TRPC4: variants seen among roughly 807,000 people sequenced by gnomAD.
The protein encoded by TRPC4 is short transient receptor potential channel 4.
TRPC4 carries 49 observed loss-of-function variants against 99.4 expected under a neutral mutation model. That is an observed-to-expected ratio of 0.49 (90% CI 0.39 to 0.63). TRPC4 has a LOEUF of 0.63. TRPC4 is among the 20% of genes least tolerant of loss of function. The probability of loss-of-function intolerance (pLI) is 0.00; values close to 1 mark genes in which losing one functional copy is unlikely to be tolerated. For missense variants in TRPC4, 898 were observed against 1,152.9 expected (o/e 0.78, Z 3.20); for synonymous variants, 454 against 425.9 (o/e 1.07, Z -0.81).
At chr13:37,694,324 A>C (rs1953838394) in intron 3 of TRPC4, among the ~76,000 whole-genome samples, 1 of 152,192 alleles carries the variant, frequency 6.6e-6, no homozygotes, top group Non-Finnish European at 1.5e-5. Context: ...TAAGGGACTA[A>C]GTACTAAGTA....
intron 1 of TRPC4, among the ~76,000 whole-genome samples, chr13:37,827,953 G>A (rs567724570): frequency 2.9e-4 from 44 of 152,212 alleles, no homozygotes; most frequent in Non-Finnish European, 5.7e-4. Flanking sequence ...CTCCGAGCCA[G>A]GTGCGGGATA....
chr13:37,728,582 A>C (rs1593602872), intron 3 of TRPC4, among the ~76,000 whole-genome samples: 1 of 152,194 alleles, frequency 6.6e-6, no homozygotes, highest in East Asian at 1.9e-4. Context: ...TGGAAGACTT[A>C]ATAGTATTAA....
At chr13:37,838,559 T>A (rs1958635901) in intron 1 of TRPC4, among the ~76,000 whole-genome samples, 1 of 152,188 alleles carries the variant, frequency 6.6e-6, no homozygotes, top group South Asian at 2.1e-4. Context: ...AAATATGTCA[T>A]TTGAATGAAA....
At chr13:37,775,432 G>A (rs1956671865) in intron 2 of TRPC4, among the ~76,000 whole-genome samples, 1 of 147,460 alleles carries the variant, frequency 6.8e-6, no homozygotes, top group South Asian at 2.2e-4. Flanking sequence ...CAACTTTTAA[G>A]TTAAAGGGTA....
At position 37,638,977 on chromosome 13, in the gene TRPC4, G is replaced by A. The variant is rs1951623321; in HGVS notation, c.2211+63C>T. 6.5e-6 allele frequency: 10 copies of A among 1,532,060 alleles called. 1 individual carries two copies. In the South Asian group the frequency reaches 1.1e-4, roughly 17 times the overall value. 94.9% of individuals were successfully genotyped at this position (1,532,060 alleles called of 1,614,324 possible). ...TGCATTTCCAGCTCTGATTTTAAAT[G>A]TGCTCTATCTGGATCCATATTCTGC... On this transcript the variant is annotated intron_variant, in intron 10 of 10. Transcript: ENST00000379705.
At chr13:37,838,826 T>C (rs1958647535) in intron 1 of TRPC4, among the ~76,000 whole-genome samples, 1 of 152,142 alleles carries the variant, frequency 6.6e-6, no homozygotes, top group Non-Finnish European at 1.5e-5. Flanking sequence ...ATATACTTGC[T>C]TTGCTGGGAG....
chr13:37,683,560 CAACAG>C, intron 4 of TRPC4, among the ~76,000 whole-genome samples: 1 of 152,186 alleles, frequency 6.6e-6, no homozygotes, highest in South Asian at 2.1e-4. Context: ...TGTGGAGGCA[CAACAG>C]GGCTCTCAAA....
In TRPC4 at chr13:37,692,047, C is replaced by A; in HGVS notation, c.1186G>T (p.Gly396Cys). 6.2e-7 allele frequency: 1 copy of A among 1,613,042 alleles called. No homozygotes were observed. Among genetic ancestry groups the A allele is most frequent in the Non-Finnish European group, 8.5e-7 (1 of 1,179,426 alleles). The change falls in exon 4 of 11, where the codon GGT becomes TGT. Residue 396 changes from glycine (G) to cysteine (C), a missense_variant. By Grantham distance (159) the Gly-to-Cys change is radical (BLOSUM62 -3). Transcript: ENST00000379705. ...HIDRSDLNRQ[G>C]PPPTIVEWMI... Reference sequence around the variant, plus strand: ...CACTCGACGATGGTTGGTGGTGGACCTTGCCTGTTCAAGTCTGACCTGTCG... The same window carrying A: ...CACTCGACGATGGTTGGTGGTGGACATTGCCTGTTCAAGTCTGACCTGTCG...
intron 3 of TRPC4, among the ~76,000 whole-genome samples, chr13:37,743,315 C>G (rs1026610046): frequency 6.6e-6 from 1 of 152,038 alleles, no homozygotes; most frequent in African/African-American, 2.4e-5. Context: ...TTCATATTAG[C>G]AAGAATACAA....
chr13:37,765,109 T>A (rs763276655), intron 2 of TRPC4, among the ~76,000 whole-genome samples: 1 of 151,404 alleles, frequency 6.6e-6, no homozygotes, highest in African/African-American at 2.4e-5. Context: ...TTTTGATCTA[T>A]CATATTCATT....
At chr13:37,855,741 A>G (rs4427673) in intron 1 of TRPC4, among the ~76,000 whole-genome samples, 36,446 of 151,724 alleles carry the variant, frequency 0.24, 4,992 homozygotes, top group East Asian at 0.43. Context: ...TTTGGAAACT[A>G]TTCAAACACA....
chr13:37,639,172 A>G (rs1951635000), intron 9 of TRPC4, 43 bp from the exon 10 acceptor site: 1 of 1,613,002 alleles, frequency 6.2e-7, no homozygotes. Context: ...CAATGAGTAA[A>G]TAAATTTCCT....
At chr13:37,682,075 C>T (rs1407440706) in intron 4 of TRPC4, among the ~76,000 whole-genome samples, 2 of 152,204 alleles carry the variant, frequency 1.3e-5, no homozygotes, top group Admixed American at 1.3e-4. Flanking sequence ...GCACCAATTA[C>T]ATGTGACAAA....
chr13:37,797,064 C>T (rs1253180726), intron 1 of TRPC4, among the ~76,000 whole-genome samples: 2 of 150,178 alleles, frequency 1.3e-5, no homozygotes, highest in African/African-American at 5.0e-5. Context: ...CTTGTAATCC[C>T]AGCACTTCGA....
intron 1 of TRPC4, among the ~76,000 whole-genome samples, chr13:37,807,135 G>C (rs1373524972): frequency 6.6e-6 from 1 of 151,860 alleles, no homozygotes; most frequent in Non-Finnish European, 1.5e-5. Context: ...ATTTGATAAG[G>C]ACTTCAAATT....
intron 8 of TRPC4, among the ~76,000 whole-genome samples, chr13:37,649,731 C>CAAAAAAAAAAAAAAAAAAAAAAAAA: frequency 1.6e-5 from 1 of 62,706 alleles, no homozygotes; most frequent in Non-Finnish European, 2.7e-5. Flanking sequence ...GACTCCGTCT[C>CAAAAAAAAAAAAAAAAAAAAAAAAA]AAAAAAAAAA....
At chr13:37,757,189 A>T (rs1020871295) in intron 2 of TRPC4, among the ~76,000 whole-genome samples, 2 of 152,122 alleles carry the variant, frequency 1.3e-5, no homozygotes, top group Non-Finnish European at 2.9e-5. Context: ...ATAAACATAT[A>T]TCAGATATAT....
At chr13:37,705,730 C>T (rs1283305252) in intron 3 of TRPC4, among the ~76,000 whole-genome samples, 2 of 152,082 alleles carry the variant, frequency 1.3e-5, no homozygotes, top group Non-Finnish European at 2.9e-5. Flanking sequence ...GCATCTTTCT[C>T]ATTTAAAACT....
At chr13:37,773,397 C>T (rs1365840819) in intron 2 of TRPC4, among the ~76,000 whole-genome samples, 1 of 151,780 alleles carries the variant, frequency 6.6e-6, no homozygotes, top group Non-Finnish European at 1.5e-5. Context: ...ACATACCAAA[C>T]AGTCAAAGAA....
Sources: allele counts gnomAD v4.1 joint callset (sites outside exome capture counted in the v4.1 genomes callset), GRCh38; gene constraint gnomAD v4.1.1; transcripts MANE v1.5; gene names NCBI Gene and HGNC (gene_info 2026-07-23, HGNC 2026-07-21).